The following TMTC2 variants were observed in gnomAD, a reference collection of about 807,000 sequenced individuals.
TMTC2 encodes the protein transmembrane O-mannosyltransferase targeting cadherins 2.
TMTC2 carries 43 observed loss-of-function variants against 82.4 expected under a neutral mutation model. The observed-to-expected ratio is 0.52, with a 90% CI of 0.41 to 0.67. TMTC2 has a LOEUF of 0.67. Ranked by LOEUF, TMTC2 falls within the 30% of genes least tolerant of loss-of-function variation. TMTC2 has a pLI of 0.00. For missense variants in TMTC2, 919 were observed against 1,012.4 expected, an observed-to-expected ratio of 0.91 and a Z score of 1.25; for synonymous variants, 408 against 381.9, an observed-to-expected ratio of 1.07 and a Z score of -0.80.
intron 11 of TMTC2, among the ~76,000 whole-genome samples, chr12:83,107,841 A>G (rs918632028): frequency 6.6e-6 from 1 of 152,160 alleles, no homozygotes; most frequent in Admixed American, 6.5e-5. Flanking sequence ...AGTCTTTGAT[A>G]TAATTTGGAT....
At chr12:83,024,180 C>T (rs1881061191) in intron 8 of TMTC2, among the ~76,000 whole-genome samples, 1 of 152,184 alleles carries the variant, frequency 6.6e-6, no homozygotes, top group Non-Finnish European at 1.5e-5. Flanking sequence ...CTGACTTGGT[C>T]ATTATATGGA....
At chr12:82,833,629 A>G (rs988892935) in intron 1 of TMTC2, among the ~76,000 whole-genome samples, 2 of 152,234 alleles carry the variant, frequency 1.3e-5, no homozygotes, top group Admixed American at 6.5e-5. Context: ...TAAATCTGCC[A>G]AATATACAGC....
At chr12:82,959,639 G>C (rs1301531242) in intron 4 of TMTC2, among the ~76,000 whole-genome samples, 1 of 152,024 alleles carries the variant, frequency 6.6e-6, no homozygotes, top group African/African-American at 2.4e-5. Flanking sequence ...AATCAAATTG[G>C]ATCCCTCCTT....
At chr12:83,127,013 C>T (rs1019894011) in intron 11 of TMTC2, among the ~76,000 whole-genome samples, 10 of 152,058 alleles carry the variant, frequency 6.6e-5, no homozygotes, top group Non-Finnish European at 1.3e-4. Flanking sequence ...ATTGGGCAAG[C>T]AATTTCAACT....
At chr12:83,077,793 T>C (rs567794795) in intron 11 of TMTC2, among the ~76,000 whole-genome samples, 83 of 152,066 alleles carry the variant, frequency 5.5e-4, no homozygotes, top group Non-Finnish European at 7.4e-4. Flanking sequence ...CAGGATGATC[T>C]TGATCTCTTT....
At chr12:82,749,154 T>C (rs1244101392) in intron 1 of TMTC2, among the ~76,000 whole-genome samples, 1 of 152,242 alleles carries the variant, frequency 6.6e-6, no homozygotes, top group African/African-American at 2.4e-5. Flanking sequence ...AGCACCTCTT[T>C]GACGGTGGCT....
intron 8 of TMTC2, among the ~76,000 whole-genome samples, chr12:83,030,591 A>G (rs544080134): frequency 6.6e-6 from 1 of 152,096 alleles, no homozygotes; most frequent in South Asian, 2.1e-4. Context: ...TCTGTTATAT[A>G]TTCTTCATGC....
intron 1 of TMTC2, among the ~76,000 whole-genome samples, chr12:82,834,916 C>T (rs549222489): frequency 3.4e-4 from 52 of 151,360 alleles, no homozygotes; most frequent in Non-Finnish European, 6.8e-4. Context: ...CTTGCCCTGT[C>T]GCCCAGGCTG....
chr12:83,023,269 C>T (rs551919276), intron 8 of TMTC2, among the ~76,000 whole-genome samples: 21 of 152,206 alleles, frequency 1.4e-4, no homozygotes, highest in African/African-American at 1.7e-4. Flanking sequence ...TTAGGTAAAC[C>T]GAATACATGT....
intron 1 of TMTC2, among the ~76,000 whole-genome samples, chr12:82,715,053 C>T (rs113116533): frequency 5.3e-5 from 8 of 151,948 alleles, no homozygotes; most frequent in South Asian, 2.1e-4. Context: ...GGGAGGATCA[C>T]GAGGTCAGGA....
At chr12:82,762,194 C>T (rs534740513) in intron 1 of TMTC2, among the ~76,000 whole-genome samples, 1 of 152,038 alleles carries the variant, frequency 6.6e-6, no homozygotes, top group Non-Finnish European at 1.5e-5. Context: ...GTCTCAAACT[C>T]CTGAACTCGT....
intron 1 of TMTC2, among the ~76,000 whole-genome samples, chr12:82,724,330 CT>C (rs1874344217): frequency 6.6e-6 from 1 of 152,156 alleles, no homozygotes; most frequent in African/African-American, 2.4e-5. Context: ...TGGTTTGGCT[CT>C]CTGTCCCCAC....
chr12:82,818,353 T>G (rs1868875436), intron 1 of TMTC2, among the ~76,000 whole-genome samples: 1 of 152,112 alleles, frequency 6.6e-6, no homozygotes, highest in African/African-American at 2.4e-5. Context: ...TTTGCAAAAT[T>G]GAAACTGTTT....
At chr12:82,716,490 T>A (rs200388115) in intron 1 of TMTC2, among the ~76,000 whole-genome samples, 7 of 150,910 alleles carry the variant, frequency 4.6e-5, no homozygotes, top group African/African-American at 1.7e-4. Context: ...CAGCCTCCCG[T>A]GTAGCTGGGA....
At chr12:83,125,924 A>G (rs1885086095) in intron 11 of TMTC2, among the ~76,000 whole-genome samples, 1 of 152,146 alleles carries the variant, frequency 6.6e-6, no homozygotes, top group South Asian at 2.1e-4. Flanking sequence ...AAAGTCAAAG[A>G]TCCCCTGTGA....
intron 1 of TMTC2, among the ~76,000 whole-genome samples, chr12:82,702,623 A>G (rs1873138054): frequency 6.6e-6 from 1 of 152,184 alleles, no homozygotes; most frequent in Non-Finnish European, 1.5e-5. Context: ...TCACCAGATG[A>G]CTTTTAGAAC....
At chr12:83,108,160 G>A (rs549634646) in intron 11 of TMTC2, among the ~76,000 whole-genome samples, 28 of 151,994 alleles carry the variant, frequency 1.8e-4, no homozygotes, top group East Asian at 1.4e-3. Context: ...TTTATAAATC[G>A]CCCAGTCTCA....
At chr12:82,910,417 G>A (rs1874574184) in intron 3 of TMTC2, among the ~76,000 whole-genome samples, 1 of 152,172 alleles carries the variant, frequency 6.6e-6, no homozygotes. Flanking sequence ...GCAGTGCCTA[G>A]GGGGTGAATG....
intron 8 of TMTC2, among the ~76,000 whole-genome samples, chr12:83,009,489 T>C (rs1880357135): frequency 6.6e-6 from 1 of 152,186 alleles, no homozygotes; most frequent in Admixed American, 6.5e-5. Context: ...CTCTAGAATC[T>C]CCTTTCTCTC....
Sources: gnomAD v4.1 joint callset for allele counts (sites outside exome capture counted in the v4.1 genomes callset) on GRCh38, gnomAD v4.1.1 for gene constraint, MANE v1.5 for transcripts, NCBI Gene and HGNC (gene_info 2026-07-23, HGNC 2026-07-21) for gene names.